YBX2: variants seen among roughly 807,000 people sequenced by gnomAD.
YBX2 encodes the protein Y-box-binding protein 2.
In YBX2, 5 loss-of-function variants were observed where a neutral mutation model predicts 44.4. The observed-to-expected ratio is 0.11, with a 90% CI of 0.06 to 0.24. The LOEUF is 0.24. Among genes scored for constraint, YBX2 ranks in the 10% least tolerant of loss-of-function variants. The probability of loss-of-function intolerance (pLI) is 1.00; values close to 1 mark genes in which losing one functional copy is unlikely to be tolerated. For synonymous variants in YBX2, 188 were observed against 216.1 expected (o/e 0.87, Z 1.14); for missense variants, 417 against 526.9 (o/e 0.79, Z 2.04).
At position 7,288,481 on chromosome 17, in the gene YBX2, A is replaced by T; in HGVS notation, c.*202T>A. 2.9e-6 allele frequency: 1 copy of T among 345,250 alleles called. No homozygotes were observed. Among genetic ancestry groups the T allele is most frequent in the South Asian group, 2.8e-5 (1 of 36,342 alleles). The allele number at this position is 345,250 out of a possible 1,614,324, so 21.4% of individuals were successfully genotyped here. A position where few individuals can be genotyped will look rare whatever the true frequency, so the allele number is the denominator to read the frequency against. The stretch of plus-strand genomic sequence containing the variant: ...GATGGCTCCCTTCCTTCAACCCTTG[A>T]TAAGGGGAGGGAAGAAAAAAGAAAA... On this transcript the variant is annotated 3_prime_UTR_variant, in exon 9 of 9. Coordinates refer to ENST00000007699, the MANE Select transcript of YBX2 (RefSeq NM_015982.4).
At position 7,294,053 on chromosome 17, in the gene YBX2, G is replaced by T; in HGVS notation, c.271+177C>A. 1.4e-6 allele frequency: 1 copy of T among 710,562 alleles called. No homozygotes were observed. The highest frequency in any genetic ancestry group is 2.0e-6 in the Non-Finnish European group (1 of 509,132). The allele number at this position is 710,562 out of a possible 1,614,324, so 44.0% of individuals were successfully genotyped here. ...CGGCCCCGCCCTCTCTCCCAGGAAG[G>T]TACGGCAGGATTTCCCACCAGGGGA... On this transcript the variant is annotated intron_variant, in intron 1 of 8. Transcript: ENST00000007699. The surrounding 1 kb of genome is among the most constrained non-coding windows in gnomAD (Gnocchi z 4.6).
At position 7,294,615 on chromosome 17, in the gene YBX2, C is replaced by A; in HGVS notation, c.-115G>T. On this transcript the variant is annotated 5_prime_UTR_variant, in exon 1 of 9. Coordinates refer to ENST00000007699, the MANE Select transcript of YBX2 (RefSeq NM_015982.4). The surrounding 1 kb of genome is among the most constrained non-coding windows in gnomAD (Gnocchi z 4.6). Reference sequence around the variant, plus strand: ...CCGAGCCTCGCCCACACGCCGGCAGCGGGCCCGGAGCCGAGGCCAATGGCA... The same window carrying A: ...CCGAGCCTCGCCCACACGCCGGCAGAGGGCCCGGAGCCGAGGCCAATGGCA... The A allele has an allele frequency of 8.6e-7, 1 of 1,164,510 alleles. No homozygotes were observed. The highest frequency in any genetic ancestry group is 1.1e-6 in the Non-Finnish European group (1 of 937,506). 72.1% of individuals were successfully genotyped at this position (1,164,510 alleles called of 1,614,324 possible).
chr17:7,294,402 G>C lies in YBX2; in HGVS notation c.99C>G (p.Pro33=). 6.9e-7 allele frequency: 1 copy of C among 1,449,492 alleles called. No homozygotes were observed. Among genetic ancestry groups the C allele is most frequent in the Non-Finnish European group, 9.1e-7 (1 of 1,103,410 alleles). 89.8% of individuals were successfully genotyped at this position (1,449,492 alleles called of 1,614,324 possible). ...AGVVAVVVPV[P]AGEPQKGGGA... is the part of the protein sequence containing the mutation. ...CGCCGCCTTTCTGCGGCTCCCCTGC[G>C]GGCACCGGTACCACCACCGCTACCA... Residue 33 remains proline, a synonymous_variant, in exon 1 of 9, where the codon CCC becomes CCG. Coordinates refer to ENST00000007699, the MANE Select transcript of YBX2 (RefSeq NM_015982.4). The surrounding 1 kb of genome is among the most constrained non-coding windows in gnomAD (Gnocchi z 4.6).
intron 1 of YBX2, chr17:7,293,929 C>T (rs2072519827): frequency 1.9e-6 from 1 of 516,528 alleles, no homozygotes; most frequent in Non-Finnish European, 3.4e-6. Context: ...CAGAGGTTTG[C>T]CTAGTTCTAA....
In YBX2 at chr17:7,294,071, C is replaced by G; in HGVS notation, c.271+159G>C. 1 of 846,888 alleles carries G rather than the reference C, an allele frequency of 1.2e-6. No individual in the cohort carries two copies. Among genetic ancestry groups the G allele is most frequent in the South Asian group, 5.2e-5 (1 of 19,210 alleles). 52.5% of individuals were successfully genotyped at this position (846,888 alleles called of 1,614,324 possible). A position where few individuals can be genotyped will look rare whatever the true frequency, so the allele number is the denominator to read the frequency against. Reference sequence around the variant, plus strand: ...CAGGAAGGTACGGCAGGATTTCCCACCAGGGGAATCCACTTTGGTGCGCAG... The same window carrying G: ...CAGGAAGGTACGGCAGGATTTCCCAGCAGGGGAATCCACTTTGGTGCGCAG... On this transcript the variant is annotated intron_variant, in intron 1 of 8. Transcript: ENST00000007699. This position sits in a 1 kb window ranked among gnomAD's most constrained non-coding sequence, Gnocchi z 4.6.
chr17:7,290,994 G>A lies in YBX2; in HGVS notation c.459+99C>T, dbSNP rs768507246. The A allele has an allele frequency of 3.6e-5, 42 of 1,173,636 alleles. No homozygotes were observed. In the Admixed American group the frequency reaches 5.4e-4, roughly 15 times the overall value. The allele number at this position is 1,173,636 out of a possible 1,614,324, so 72.7% of individuals were successfully genotyped here. ...GAACACAGTCCCATTCCCGCAGAAC[G>A]GGTCAGAGCTGGCCCCAGGAGGGTC... is the stretch of plus-strand genomic sequence containing the variant. On this transcript the variant is annotated intron_variant, in intron 4 of 8. Coordinates refer to ENST00000007699, the MANE Select transcript of YBX2 (RefSeq NM_015982.4).
intron 7 of YBX2, among the ~76,000 whole-genome samples, chr17:7,289,260 G>T (rs531912760): frequency 6.7e-6 from 1 of 148,496 alleles, no homozygotes; most frequent in Non-Finnish European, 1.5e-5. Flanking sequence ...CTACAAGCTG[G>T]TAGGATGGCT....
Position 7,288,782 on chromosome 17 carries a change from T to G in YBX2, c.*6A>C, listed in dbSNP as rs758247367. The G allele has an allele frequency of 1.2e-6, 2 of 1,613,834 alleles. No individual in the cohort carries two copies. Among genetic ancestry groups the G allele is most frequent in the Non-Finnish European group, 1.7e-6 (2 of 1,179,904 alleles). On this transcript the variant is annotated 3_prime_UTR_variant, in exon 8 of 9. Coordinates refer to ENST00000007699, the MANE Select transcript of YBX2 (RefSeq NM_015982.4). ...AGCTCTGGGTGTCCTCTGAGTTGAG[T>G]TGGAATCACTCCAGGATGGTGGTGG...
rs1360242782 is a variant in YBX2, at chr17:7,290,445, T to C, written c.550A>G (p.Ile184Val). 1.9e-6 allele frequency: 3 copies of C among 1,613,968 alleles called. No individual in the cohort carries two copies. The highest frequency in any genetic ancestry group is 2.5e-6 in the Non-Finnish European group (3 of 1,180,002). The change falls in exon 5 of 9, where the codon ATC becomes GTC. Residue 184 changes from isoleucine (I) to valine (V), a missense_variant. Physicochemically the swap from Ile to Val is conservative, Grantham distance 29. Coordinates refer to ENST00000007699, the MANE Select transcript of YBX2 (RefSeq NM_015982.4). ...GGGGCAACTGAGGGAGGCCGGGGGA[T>C]GAATCGGCGGGACTTACGTCGGTTG... ...APNRRKSRRF[I>V]PRPPSVAPPP... is the part of the protein sequence containing the mutation.
At chr17:7,289,859 G>A (rs2072486849) in intron 6 of YBX2, 109 bp downstream of exon 6, 19 of 1,581,990 alleles carry the variant, frequency 1.2e-5, no homozygotes, top group Non-Finnish European at 1.6e-5. Context: ...CACCTGTCTC[G>A]CCAGGAGCCC....
At chr17:7,290,967 G>A in intron 4 of YBX2, 126 bp downstream of exon 4, 1 of 932,982 alleles carries the variant, frequency 1.1e-6, no homozygotes. Context: ...ATCAGGGTGA[G>A]AGAACACAGT....
At chr17:7,292,085 G>C (rs753928227) in intron 2 of YBX2, 26 bp from the exon 3 acceptor site, 1 of 1,614,026 alleles carries the variant, frequency 6.2e-7, no homozygotes, top group Non-Finnish European at 8.5e-7. Flanking sequence ...GGTCGTTAAG[G>C]AAGGGACTTC....
chr17:7,290,253 C>G lies in YBX2; in HGVS notation c.742G>C (p.Glu248Gln). 1 of 1,612,584 alleles carries G rather than the reference C, an allele frequency of 6.2e-7. No homozygotes were observed. Among genetic ancestry groups the G allele is most frequent in the Non-Finnish European group, 8.5e-7 (1 of 1,179,078 alleles). ...PRPPNQQQPIEGTDRVEPKET... is the reference protein window; with the variant it reads ...PRPPNQQQPIQGTDRVEPKET... ...CCCATATTCCAGCATCCCCTCACCT[C>G]TATAGGCTGCTGCTGGTTGGGAGGC... Residue 248 changes from glutamate (E) to glutamine (Q), a missense_variant and splice_region_variant, in exon 5 of 9, where the codon GAG (glutamate) becomes CAG (glutamine). Transcript: ENST00000007699.
In YBX2 at chr17:7,290,256, T is replaced by C. The variant is rs201450249; in HGVS notation, c.739A>G (p.Ile247Val). The C allele has an allele frequency of 1.9e-6, 3 of 1,612,660 alleles. No individual in the cohort carries two copies. Among genetic ancestry groups the C allele is most frequent in the Non-Finnish European group, 2.5e-6 (3 of 1,179,120 alleles). ...GPRPPNQQQP[I>V]EGTDRVEPKE... ...ATATTCCAGCATCCCCTCACCTCTA[T>C]AGGCTGCTGCTGGTTGGGAGGCCGG... Residue 247 changes from isoleucine (I) to valine (V), a missense_variant, in exon 5 of 9, where the codon ATA (isoleucine) becomes GTA (valine). Physicochemically the swap from Ile to Val is conservative, Grantham distance 29. Coordinates refer to ENST00000007699, the MANE Select transcript of YBX2 (RefSeq NM_015982.4).
chr17:7,294,127 G>C lies in YBX2; in HGVS notation c.271+103C>G. The C allele has an allele frequency of 9.2e-6, 11 of 1,192,558 alleles. No individual in the cohort carries two copies. Among genetic ancestry groups the C allele is most frequent in the South Asian group, 3.9e-5 (1 of 25,526 alleles). The allele number at this position is 1,192,558 out of a possible 1,614,324, so 73.9% of individuals were successfully genotyped here. On this transcript the variant is annotated intron_variant, in intron 1 of 8. Coordinates refer to ENST00000007699, the MANE Select transcript of YBX2 (RefSeq NM_015982.4). This position sits in a 1 kb window ranked among gnomAD's most constrained non-coding sequence, Gnocchi z 4.6. ...AGCCCAGTTAGCGCTCTGGGCCTGC[G>C]GGCCAGGCCGCCTTTGGTTTTCCGG...
Position 7,289,535 on chromosome 17 carries a change from G to A in YBX2, c.1039C>T (p.Pro347Ser), listed in dbSNP as rs779223089. The A allele has an allele frequency of 6.2e-7, 1 of 1,602,390 alleles. No homozygotes were observed. The highest frequency in any genetic ancestry group is 8.5e-7 in the Non-Finnish European group (1 of 1,174,282). Residue 347 changes from proline (P) to serine (S), a missense_variant, in exon 7 of 9, where the codon CCT becomes TCT. Transcript: ENST00000007699. ...CCCACATCTGAGGTCCTCACCTCAG[G>A]GGCTGCGGGCTGCCGGGGGCCAGGG... ...QAPGPRQPAA[P>S]ETSAPVNSGD...
At position 7,294,622 on chromosome 17, in the gene YBX2, G is replaced by C; in HGVS notation, c.-122C>G. ...TCGCCCACACGCCGGCAGCGGGCCCGGAGCCGAGGCCAATGGCAGCCCGCT... is the reference window on the plus strand; with the variant it reads ...TCGCCCACACGCCGGCAGCGGGCCCCGAGCCGAGGCCAATGGCAGCCCGCT... On this transcript the variant is annotated 5_prime_UTR_variant, in exon 1 of 9. Coordinates refer to ENST00000007699, the MANE Select transcript of YBX2 (RefSeq NM_015982.4). This position sits in a 1 kb window ranked among gnomAD's most constrained non-coding sequence, Gnocchi z 4.6. The C allele has an allele frequency of 8.7e-7, 1 of 1,151,246 alleles. No individual in the cohort carries two copies. Among genetic ancestry groups the C allele is most frequent in the South Asian group, 3.8e-5 (1 of 26,296 alleles). 71.3% of individuals were successfully genotyped at this position (1,151,246 alleles called of 1,614,324 possible). A position where few individuals can be genotyped will look rare whatever the true frequency, so the allele number is the denominator to read the frequency against.
chr17:7,290,124 G>A, intron 5 of YBX2, 53 bp from the exon 6 acceptor site: 1 of 1,611,064 alleles, frequency 6.2e-7, no homozygotes, highest in Non-Finnish European at 8.5e-7. Context: ...CTGCTCTGGA[G>A]CCAGATTATC....
intron 2 of YBX2, chr17:7,292,342 C>T: frequency 2.2e-6 from 1 of 454,578 alleles, no homozygotes; most frequent in East Asian, 4.0e-5. Context: ...ACAGCTCTGC[C>T]CCTGCCGGGA....
Sources: allele counts gnomAD v4.1 joint callset (sites outside exome capture counted in the v4.1 genomes callset), GRCh38; gene constraint gnomAD v4.1.1; non-coding constraint Gnocchi (gnomAD v3.1); transcripts MANE v1.5; gene names NCBI Gene and HGNC (gene_info 2026-07-23, HGNC 2026-07-21).